BMP6: variants seen among roughly 807,000 people sequenced by gnomAD.
BMP6 encodes VG-1-R.
BMP6 carries 17 observed loss-of-function variants against 54.1 expected under a neutral mutation model. The observed-to-expected ratio is 0.31, with a 90% CI of 0.22 to 0.47. The LOEUF (loss-of-function observed/expected upper bound fraction) is 0.47, where lower values mean the gene tolerates loss of function less well. Among genes scored for constraint, BMP6 ranks in the 20% least tolerant of loss-of-function variants. BMP6 has a pLI of 1.00. For synonymous variants in BMP6, 328 were observed against 291.2 expected, an observed-to-expected ratio of 1.13 and a Z score of -1.28; for missense variants, 720 against 690.4, an observed-to-expected ratio of 1.04 and a Z score of -0.48.
intron 1 of BMP6, among the ~76,000 whole-genome samples, chr6:7,769,957 A>G (rs1467074892): frequency 6.6e-6 from 1 of 152,178 alleles, no homozygotes; most frequent in Non-Finnish European, 1.5e-5. Flanking sequence ...ACCCTTAGTC[A>G]TCATATATAA....
At chr6:7,729,714 A>C (rs1421469176) in intron 1 of BMP6, among the ~76,000 whole-genome samples, 1 of 152,206 alleles carries the variant, frequency 6.6e-6, no homozygotes, top group Non-Finnish European at 1.5e-5. Context: ...ACATTGTCCC[A>C]GTAAGAGATG....
intron 1 of BMP6, among the ~76,000 whole-genome samples, chr6:7,830,807 G>A (rs1235818313): frequency 6.6e-6 from 1 of 151,924 alleles, no homozygotes; most frequent in African/African-American, 2.4e-5. Flanking sequence ...AACAGCACGG[G>A]AAAACCCACC....
chr6:7,813,299 A>C (rs1758468230), intron 1 of BMP6, among the ~76,000 whole-genome samples: 1 of 145,574 alleles, frequency 6.9e-6, no homozygotes, highest in African/African-American at 2.5e-5. Context: ...TTGTGGAATG[A>C]CATGGGTTTT....
intron 1 of BMP6, among the ~76,000 whole-genome samples, chr6:7,743,799 G>A (rs1198207465): frequency 6.6e-6 from 1 of 152,118 alleles, no homozygotes; most frequent in African/African-American, 2.4e-5. Flanking sequence ...ATTCTCTAAG[G>A]TTCAACTATA....
rs1219890931 is a variant in BMP6, at chr6:7,881,541, G to GAA, written c.*1200_*1201dup. On this transcript the variant is annotated 3_prime_UTR_variant, in exon 7 of 7. Transcript: ENST00000283147. The stretch of plus-strand genomic sequence containing the variant: ...CTTTTAAAAAAAAAGAGTTTATTTA[G>GAA]AAAGTATCATAGTGTAAACAAACAA... 6.6e-6 allele frequency: 1 copy of GAA among 152,298 alleles called. No homozygotes were observed. The highest frequency in any genetic ancestry group is 1.5e-5 in the Non-Finnish European group (1 of 68,018). The allele number at this position is 152,298 out of a possible 1,614,324, so 9.4% of individuals were successfully genotyped here. A position where few individuals can be genotyped will look rare whatever the true frequency, so the allele number is the denominator to read the frequency against.
intron 4 of BMP6, among the ~76,000 whole-genome samples, chr6:7,878,041 G>T (rs759483225): frequency 2.0e-5 from 3 of 151,956 alleles, no homozygotes; most frequent in African/African-American, 7.3e-5. Flanking sequence ...TATCTCATCC[G>T]ACCCTGCTTG....
At chr6:7,740,684 G>A (rs537486023) in intron 1 of BMP6, among the ~76,000 whole-genome samples, 4 of 152,184 alleles carry the variant, frequency 2.6e-5, no homozygotes, top group South Asian at 2.1e-4. Flanking sequence ...TTCGACAAGC[G>A]GTGACTGAGG....
intron 1 of BMP6, among the ~76,000 whole-genome samples, chr6:7,759,662 G>A (rs1324016448): frequency 1.4e-5 from 2 of 140,352 alleles, no homozygotes; most frequent in Admixed American, 7.0e-5. Flanking sequence ...TTAAAAAAAA[G>A]AAGTGAATTT....
chr6:7,852,763 C>T (rs1258886189), intron 2 of BMP6, among the ~76,000 whole-genome samples: 1 of 152,176 alleles, frequency 6.6e-6, no homozygotes, highest in African/African-American at 2.4e-5. Context: ...CTTGTTTTCT[C>T]AACTCCTCGT....
At chr6:7,814,483 TTGAG>T (rs1246667557) in intron 1 of BMP6, among the ~76,000 whole-genome samples, 6 of 152,236 alleles carry the variant, frequency 3.9e-5, no homozygotes, top group South Asian at 2.1e-4. Context: ...GTTCTTTAGT[TTGAG>T]TGTTTTTTTT....
At chr6:7,797,548 C>T (rs932465698) in intron 1 of BMP6, among the ~76,000 whole-genome samples, 2 of 152,138 alleles carry the variant, frequency 1.3e-5, no homozygotes, top group African/African-American at 4.8e-5. Flanking sequence ...AGAGTGGGTG[C>T]TGAGAGGGAG....
At chr6:7,796,529 C>A (rs1158541268) in intron 1 of BMP6, among the ~76,000 whole-genome samples, 1 of 152,164 alleles carries the variant, frequency 6.6e-6, no homozygotes, top group Non-Finnish European at 1.5e-5. Flanking sequence ...CTTGCTGTCA[C>A]AATATTTTAA....
At chr6:7,878,979 C>A in intron 4 of BMP6, 95 bp from the exon 5 acceptor site, 1 of 1,269,926 alleles carries the variant, frequency 7.9e-7, no homozygotes, top group Non-Finnish European at 1.1e-6. Flanking sequence ...CTGAGCCTAG[C>A]ACAGAGCCTG....
At chr6:7,730,875 TA>T (rs1246167598) in intron 1 of BMP6, among the ~76,000 whole-genome samples, 1 of 152,218 alleles carries the variant, frequency 6.6e-6, no homozygotes, top group African/African-American at 2.4e-5. Context: ...CTAGGTTAAG[TA>T]AATTACACAC....
At chr6:7,839,932 G>C (rs896676746) in intron 1 of BMP6, among the ~76,000 whole-genome samples, 1 of 152,174 alleles carries the variant, frequency 6.6e-6, no homozygotes, top group Non-Finnish European at 1.5e-5. Flanking sequence ...AAAGCACAAG[G>C]GTTCTAGTTT....
chr6:7,815,392 G>GA (rs1758510219), intron 1 of BMP6, among the ~76,000 whole-genome samples: 1 of 152,234 alleles, frequency 6.6e-6, no homozygotes, highest in African/African-American at 2.4e-5. Flanking sequence ...TAAGCTTTAA[G>GA]AATTGGAGCA....
At chr6:7,736,330 A>T (rs1389300868) in intron 1 of BMP6, among the ~76,000 whole-genome samples, 1 of 152,124 alleles carries the variant, frequency 6.6e-6, no homozygotes, top group Non-Finnish European at 1.5e-5. Context: ...AATGAACAAG[A>T]ATTATAGGAA....
chr6:7,819,273 A>C (rs1274746085), intron 1 of BMP6, among the ~76,000 whole-genome samples: 5 of 152,138 alleles, frequency 3.3e-5, no homozygotes, highest in African/African-American at 1.2e-4. Context: ...TAGCAGCTGG[A>C]GAGGATGATC....
intron 1 of BMP6, among the ~76,000 whole-genome samples, chr6:7,777,258 G>A (rs1163584151): frequency 6.6e-6 from 1 of 152,228 alleles, no homozygotes; most frequent in African/African-American, 2.4e-5. Context: ...CCTAGTGGTG[G>A]CAGGTGGCCT....
Sources: gnomAD v4.1 joint callset for allele counts (sites outside exome capture counted in the v4.1 genomes callset) on GRCh38, gnomAD v4.1.1 for gene constraint, MANE v1.5 for transcripts, NCBI Gene and HGNC (gene_info 2026-07-23, HGNC 2026-07-21) for gene names.